Variants in PCDHGA10 observed in about 807,000 individuals in gnomAD.
PCDHGA10 encodes protocadherin gamma subfamily A, 10.
PCDHGA10 carries 42 observed loss-of-function variants against 59.5 expected under a neutral mutation model. That is an observed-to-expected ratio of 0.71 (90% CI 0.55 to 0.91). The LOEUF (loss-of-function observed/expected upper bound fraction) is 0.91. Among genes scored for constraint, PCDHGA10 ranks in the 40% least tolerant of loss-of-function variants. PCDHGA10 has a pLI of 0.00. For missense variants in PCDHGA10, 1,111 were observed against 1,198.2 expected (o/e 0.93, Z 1.07); for synonymous variants, 511 against 517.2 (o/e 0.99, Z 0.16).
intron 1 of PCDHGA10, chr5:141,427,957 C>G (rs770633827): frequency 1.3e-5 from 20 of 1,588,284 alleles, no homozygotes; most frequent in African/African-American, 2.7e-5. Flanking sequence ...GACAATGTGC[C>G]GCGGGTGCTG....
chr5:141,509,086 A>T lies in PCDHGA10; in HGVS notation c.2585-1861A>T, dbSNP rs147084289. On this transcript the variant is annotated intron_variant, in intron 3 of 3. Coordinates refer to ENST00000398610, the MANE Select transcript of PCDHGA10 (RefSeq NM_018913.3). ...CAGCTCCGGGGATTTGCGACATGAAATGGGGGCTGTAGAAACCTGAGCGCT... is the reference window on the plus strand; with the variant it reads ...CAGCTCCGGGGATTTGCGACATGAATTGGGGGCTGTAGAAACCTGAGCGCT... 8.3e-3 allele frequency among the ~76,000 whole-genome samples: 1,261 copies of T among 152,228 alleles called. 7 individuals are homozygous for T. Among genetic ancestry groups the T allele is most frequent in the Middle Eastern group, 0.037 (11 of 294 alleles).
At chr5:141,421,206 G>A in intron 1 of PCDHGA10, 1 of 1,531,730 alleles carries the variant, frequency 6.5e-7, no homozygotes, top group Non-Finnish European at 8.8e-7. Context: ...AGAAACCGCG[G>A]AATATCGGCT....
chr5:141,457,023 A>G (rs1339517071), intron 1 of PCDHGA10, among the ~76,000 whole-genome samples: 1 of 152,228 alleles, frequency 6.6e-6, no homozygotes, highest in Non-Finnish European at 1.5e-5. Flanking sequence ...AAAAAGTCCT[A>G]GTAGACTCAG....
At chr5:141,475,866 C>T in intron 1 of PCDHGA10, 1 of 504,862 alleles carries the variant, frequency 2.0e-6, no homozygotes, top group South Asian at 2.9e-5. Context: ...GCTCATTCTT[C>T]GTGCAGTTAT....
At chr5:141,453,319 G>T (rs2098762311) in intron 1 of PCDHGA10, among the ~76,000 whole-genome samples, 1 of 151,492 alleles carries the variant, frequency 6.6e-6, no homozygotes, top group Admixed American at 6.6e-5. Flanking sequence ...TTATTTTAGA[G>T]ATGGGGTCTC....
At position 141,491,257 on chromosome 5, in the gene PCDHGA10, G is replaced by GAAAT. The variant is rs1562145331; in HGVS notation, c.2437-3549_2437-3546dup. On this transcript the variant is annotated intron_variant, in intron 1 of 3. Transcript: ENST00000398610. The surrounding 1 kb of genome is among the most constrained non-coding windows in gnomAD (Gnocchi z 6.9). ...GGTTCTGGAGGATGAGGACCCTGAG[G>GAAAT]AAATGCCCAAATCCAGTGACTTCCT... is the stretch of plus-strand genomic sequence containing the variant. 6.2e-7 allele frequency: 1 copy of GAAAT among 1,614,170 alleles called. No individual in the cohort carries two copies. Among genetic ancestry groups the GAAAT allele is most frequent in the East Asian group, 2.2e-5 (1 of 44,884 alleles).
chr5:141,414,274 G>C lies in PCDHGA10; in HGVS notation c.1099G>C (p.Gly367Arg). The change falls in exon 1 of 4, where the codon GGA becomes CGA. Residue 367 changes from glycine to arginine, a missense_variant. Transcript: ENST00000398610. ...TCCAGTGACTGAAGATTCACCTCTG[G>C]GAACAGTCGTAGCCCTTTTAAATGT... Reference protein sequence around the residue: ...FSPVTEDSPLGTVVALLNVHD... With the variant: ...FSPVTEDSPLRTVVALLNVHD... 1.9e-6 allele frequency: 3 copies of C among 1,613,368 alleles called. No individual in the cohort carries two copies. The highest frequency in any genetic ancestry group is 2.5e-6 in the Non-Finnish European group (3 of 1,179,712).
intron 2 of PCDHGA10, among the ~76,000 whole-genome samples, chr5:141,504,355 C>T (rs974022699): frequency 6.6e-6 from 1 of 152,078 alleles, no homozygotes; most frequent in Non-Finnish European, 1.5e-5. Flanking sequence ...GTGCTAGGTG[C>T]TTCAGTAGGA....
rs1255086187 is a variant in PCDHGA10 at position 141,413,256 on chromosome 5, A to G, written c.81A>G (p.Pro27=). ...TGCTCTGCCTTTTCTTCGGGATTCCATGGGAGGCTGGAGCCCGGCAGATCT... is the reference window on the plus strand; with the variant it reads ...TGCTCTGCCTTTTCTTCGGGATTCCGTGGGAGGCTGGAGCCCGGCAGATCT... ...LVLLCLFFGI[P]WEAGARQISY... The change falls in exon 1 of 4, where the codon CCA becomes CCG. Residue 27 remains proline, a synonymous_variant. Transcript: ENST00000398610. 2 of 1,613,946 alleles carry G rather than the reference A, an allele frequency of 1.2e-6. No homozygotes were observed. Among genetic ancestry groups the G allele is most frequent in the Admixed American group, 1.7e-5 (1 of 60,030 alleles).
rs370704205 is a variant in PCDHGA10, at chr5:141,422,166, T to C, written c.2436+6555T>C. 4.5e-6 allele frequency: 7 copies of C among 1,569,374 alleles called. No individual in the cohort carries two copies. In the South Asian group the frequency reaches 8.5e-5, roughly 19 times the overall value. ...GGGGGTCTCTGGATTTTGAAAAATA[T>C]AGATTCTATGAGATGGAAATTCAAG... On this transcript the variant is annotated intron_variant, in intron 1 of 3. Coordinates refer to ENST00000398610, the MANE Select transcript of PCDHGA10 (RefSeq NM_018913.3).
rs951964805 is a variant in PCDHGA10, at chr5:141,512,109, C to A, written c.*936C>A. The A allele has an allele frequency of 1.0e-4, 16 of 152,656 alleles. No individual in the cohort carries two copies. The highest frequency in any genetic ancestry group is 1.5e-5 in the Non-Finnish European group (1 of 68,058). 9.5% of individuals were successfully genotyped at this position (152,656 alleles called of 1,614,324 possible). Reference sequence around the variant, plus strand: ...ACCAATAACTAGGCTGGACCCTTCCCACTACATAATAGGGCTCAGCCCAGG... The same window carrying A: ...ACCAATAACTAGGCTGGACCCTTCCAACTACATAATAGGGCTCAGCCCAGG... On this transcript the variant is annotated 3_prime_UTR_variant, in exon 4 of 4. Coordinates refer to ENST00000398610, the MANE Select transcript of PCDHGA10 (RefSeq NM_018913.3).
chr5:141,511,237 T>C lies in PCDHGA10; in HGVS notation c.*64T>C, dbSNP rs886816274. 1.9e-6 allele frequency: 3 copies of C among 1,590,378 alleles called. No homozygotes were observed. The South Asian group carries it at 3.4e-5, about 18-fold the overall frequency. ...CCAACCAGCCCAGCTTCTCCTTACC[T>C]GCACCCAGGCCTCAGAGTTTCAGGG... On this transcript the variant is annotated 3_prime_UTR_variant, in exon 4 of 4. Coordinates refer to ENST00000398610, the MANE Select transcript of PCDHGA10 (RefSeq NM_018913.3).
chr5:141,430,919 C>T, intron 1 of PCDHGA10: 1 of 1,607,610 alleles, frequency 6.2e-7, no homozygotes, highest in Non-Finnish European at 8.5e-7. Context: ...GGACCTGGGG[C>T]TGGAGCCCCG....
rs776737236 is a variant in PCDHGA10, at chr5:141,431,439, G to T, written c.2436+15828G>T. 20 of 1,613,724 alleles carry T rather than the reference G, an allele frequency of 1.2e-5. No individual in the cohort carries two copies. The highest frequency in any genetic ancestry group is 4.5e-5 in the East Asian group (2 of 44,888). Reference sequence around the variant, plus strand: ...GACCCGGTGCGCACAGGCACCGCGCGCATCCGCGTGATGGTTCTGGATGCG... The same window carrying T: ...GACCCGGTGCGCACAGGCACCGCGCTCATCCGCGTGATGGTTCTGGATGCG... On this transcript the variant is annotated intron_variant, in intron 1 of 3. Coordinates refer to ENST00000398610, the MANE Select transcript of PCDHGA10 (RefSeq NM_018913.3). This position sits in a 1 kb window ranked among gnomAD's most constrained non-coding sequence, Gnocchi z 4.8.
chr5:141,413,678 T>G lies in PCDHGA10; in HGVS notation c.503T>G (p.Val168Gly), dbSNP rs201325660. ...GAAGCTATTGATCCGGATGTGGGCGTGAACTCCCTGCAGAGCTATCAGCTC... is the reference window on the plus strand; with the variant it reads ...GAAGCTATTGATCCGGATGTGGGCGGGAACTCCCTGCAGAGCTATCAGCTC... ...LPEAIDPDVG[V>G]NSLQSYQLSP... Residue 168 changes from valine to glycine, a missense_variant, in exon 1 of 4, where the codon GTG becomes GGG. Coordinates refer to ENST00000398610, the MANE Select transcript of PCDHGA10 (RefSeq NM_018913.3). 9 of 1,613,632 alleles carry G rather than the reference T, an allele frequency of 5.6e-6. No individual in the cohort carries two copies. Among genetic ancestry groups the G allele is most frequent in the Non-Finnish European group, 7.6e-6 (9 of 1,179,876 alleles).
At chr5:141,436,849 T>C (rs1007573014) in intron 1 of PCDHGA10, among the ~76,000 whole-genome samples, 11 of 152,256 alleles carry the variant, frequency 7.2e-5, no homozygotes, top group African/African-American at 2.7e-4. Context: ...ACATTCTTGA[T>C]TGAGAAGCCA....
At chr5:141,425,069 A>G (rs771114613) in intron 1 of PCDHGA10, among the ~76,000 whole-genome samples, 1 of 152,170 alleles carries the variant, frequency 6.6e-6, no homozygotes. Context: ...GACAAAAATA[A>G]TTTCAACTGT....
rs1413236073 is a variant in PCDHGA10 at position 141,414,866 on chromosome 5, C to G, written c.1691C>G (p.Pro564Arg). The G allele has an allele frequency of 6.2e-7, 1 of 1,614,230 alleles. No homozygotes were observed. The highest frequency in any genetic ancestry group is 8.5e-7 in the Non-Finnish European group (1 of 1,180,046). The change falls in exon 1 of 4, where the codon CCC becomes CGC. Residue 564 changes from proline to arginine, a missense_variant. Transcript: ENST00000398610. Reference protein sequence around the residue: ...LFVLDQNDNAPEILYPALPTD... With the variant: ...LFVLDQNDNAREILYPALPTD... ...GTGCTGGACCAGAACGACAATGCGC[C>G]CGAGATCCTGTACCCCGCCCTCCCC...
Position 141,415,573 on chromosome 5 carries a change from G to T in PCDHGA10, c.2398G>T (p.Asp800Tyr), listed in dbSNP as rs375863243. 3 of 1,614,022 alleles carry T rather than the reference G, an allele frequency of 1.9e-6. No individual in the cohort carries two copies. Among genetic ancestry groups the T allele is most frequent in the South Asian group, 2.2e-5 (2 of 91,078 alleles). ...EKNDPLSLLD[D>Y]SKFPIEDTPL... ...AAACGATCCTTTGTCTTTGTTAGATGATTCGAAGTTTCCTATAGAGGATAC... is the reference window on the plus strand; with the variant it reads ...AAACGATCCTTTGTCTTTGTTAGATTATTCGAAGTTTCCTATAGAGGATAC... Residue 800 changes from aspartate to tyrosine, a missense_variant, in exon 1 of 4, where the codon GAT (aspartate) becomes TAT (tyrosine). By Grantham distance (160) the Asp-to-Tyr change is radical. Transcript: ENST00000398610.
Sources: allele counts gnomAD v4.1 joint callset (sites outside exome capture counted in the v4.1 genomes callset), GRCh38; gene constraint gnomAD v4.1.1; non-coding constraint Gnocchi (gnomAD v3.1); transcripts MANE v1.5; gene names NCBI Gene and HGNC (gene_info 2026-07-23, HGNC 2026-07-21).